ZNF267: variants seen among roughly 807,000 people sequenced by gnomAD.
The protein encoded by ZNF267 is zinc finger protein 267.
ZNF267 carries 61 observed loss-of-function variants against 71.6 expected under a neutral mutation model. The ratio of observed to expected loss-of-function variants is 0.85; its 90% confidence interval spans 0.69 to 1.05. The LOEUF (loss-of-function observed/expected upper bound fraction) is 1.05, where lower values mean the gene tolerates loss of function less well. ZNF267 is among the 50% of genes least tolerant of loss of function. ZNF267 has a pLI of 0.00. For synonymous variants in ZNF267, 288 were observed against 293.2 expected, an observed-to-expected ratio of 0.98 and a Z score of 0.18; for missense variants, 852 against 870.0, an observed-to-expected ratio of 0.98 and a Z score of 0.26.
chr16:31,898,349 G>A (rs777731175), intron 3 of ZNF267, among the ~76,000 whole-genome samples: 2 of 152,052 alleles, frequency 1.3e-5, no homozygotes, highest in Non-Finnish European at 2.9e-5. Flanking sequence ...TGTATCTAAA[G>A]TGGGTCTTTT....
chr16:31,882,525 A>G lies in ZNF267; in HGVS notation c.4-1973A>G, dbSNP rs537505701. On this transcript the variant is annotated intron_variant, in intron 1 of 3. Coordinates refer to ENST00000300870, the MANE Select transcript of ZNF267 (RefSeq NM_003414.6). ...AAACTTTCCAAACCTGCAGAATCACATTACTTAGAGGGGGCCCAGAATACC... is the reference window on the plus strand; with the variant it reads ...AAACTTTCCAAACCTGCAGAATCACGTTACTTAGAGGGGGCCCAGAATACC... 2.0e-5 allele frequency among the ~76,000 whole-genome samples: 3 copies of G among 152,318 alleles called. No homozygotes were observed. In the East Asian group the frequency reaches 5.8e-4, roughly 29 times the overall value.
At chr16:31,903,232 A>G (rs1166550115) in intron 3 of ZNF267, among the ~76,000 whole-genome samples, 1 of 152,154 alleles carries the variant, frequency 6.6e-6, no homozygotes, top group Non-Finnish European at 1.5e-5. Flanking sequence ...CATCAAGGAT[A>G]TTGGTCTAAA....
intron 3 of ZNF267, among the ~76,000 whole-genome samples, chr16:31,910,613 GTT>G (rs1437669295): frequency 2.0e-5 from 3 of 150,982 alleles, no homozygotes; most frequent in Non-Finnish European, 4.4e-5. Flanking sequence ...TTCATCTCTG[GTT>G]TTATGTGGGT....
chr16:31,889,120 A>G (rs913715260), intron 3 of ZNF267, among the ~76,000 whole-genome samples: 2 of 147,292 alleles, frequency 1.4e-5, no homozygotes, highest in African/African-American at 5.0e-5. Context: ...CTGTGATATC[A>G]GCTGGAATGA....
intron 1 of ZNF267, among the ~76,000 whole-genome samples, chr16:31,879,279 A>C (rs980528681): frequency 3.3e-5 from 5 of 152,372 alleles, no homozygotes; most frequent in Admixed American, 1.3e-4. Flanking sequence ...ATTTAGGATG[A>C]ACTCTCTCTG....
Position 31,873,894 on chromosome 16 carries a change from C to G in ZNF267, c.-73C>G, listed in dbSNP as rs1009283634. On this transcript the variant is annotated 5_prime_UTR_variant, in exon 1 of 4. Transcript: ENST00000300870. ...TTCGCGTTCTGAGAATAAACAGAAC[C>G]TCTGTTGCTCTGCGACTTGCAGGCA... 4 of 1,605,098 alleles carry G rather than the reference C, an allele frequency of 2.5e-6. No individual in the cohort carries two copies. The highest frequency in any genetic ancestry group is 2.2e-5 in the East Asian group (1 of 44,796).
intron 3 of ZNF267, among the ~76,000 whole-genome samples, chr16:31,891,097 G>GT (rs2083957178): frequency 6.6e-6 from 1 of 151,528 alleles, no homozygotes; most frequent in South Asian, 2.1e-4. Context: ...TTCCATTTGT[G>GT]TATCTACTAC....
chr16:31,883,194 A>G (rs1313320659), intron 1 of ZNF267, among the ~76,000 whole-genome samples: 2 of 152,190 alleles, frequency 1.3e-5, no homozygotes, highest in Non-Finnish European at 2.9e-5. Context: ...ATAATAGCAC[A>G]TAGAATAAAC....
In ZNF267 at chr16:31,873,985, C is replaced by CG. The variant is rs770029610; in HGVS notation, c.3+21dup. ...CTGGGAAATGGTGAGTGTGCGGGGT[C>CG]GGGGGTCCCCAGAGGGAGGGAGGGC... On this transcript the variant is annotated intron_variant, in intron 1 of 3. Transcript: ENST00000300870. 1 of 1,610,358 alleles carries CG rather than the reference C, an allele frequency of 6.2e-7. No homozygotes were observed. The highest frequency in any genetic ancestry group is 8.5e-7 in the Non-Finnish European group (1 of 1,177,460).
intron 3 of ZNF267, among the ~76,000 whole-genome samples, chr16:31,903,101 G>A (rs77410910): frequency 0.86 from 131,587 of 152,154 alleles, 58,953 homozygotes; most frequent in East Asian, 1. Flanking sequence ...CTTGAATTTC[G>A]TATTTTGAAC....
At chr16:31,895,813 T>G (rs1004206499) in intron 3 of ZNF267, among the ~76,000 whole-genome samples, 12 of 152,248 alleles carry the variant, frequency 7.9e-5, no homozygotes, top group African/African-American at 2.9e-4. Context: ...ATTTTAAAAT[T>G]CGGTTATATG....
chr16:31,898,223 G>A (rs2084013995), intron 3 of ZNF267, among the ~76,000 whole-genome samples: 1 of 152,002 alleles, frequency 6.6e-6, no homozygotes, highest in Admixed American at 6.6e-5. Context: ...ATTATATAAT[G>A]CCCTTTCTTG....
chr16:31,900,873 A>G (rs1385647552), intron 3 of ZNF267, among the ~76,000 whole-genome samples: 5 of 150,726 alleles, frequency 3.3e-5, no homozygotes, highest in African/African-American at 7.3e-5. Context: ...ATTTGTATAC[A>G]TGTGCCATGT....
intron 3 of ZNF267, among the ~76,000 whole-genome samples, chr16:31,906,112 C>T (rs995370593): frequency 3.3e-5 from 5 of 152,160 alleles, no homozygotes; most frequent in African/African-American, 4.8e-5. Context: ...ATTGGTGAAC[C>T]GCAAATGCTG....
At chr16:31,875,615 G>A (rs1340256612) in intron 1 of ZNF267, among the ~76,000 whole-genome samples, 7 of 152,184 alleles carry the variant, frequency 4.6e-5, no homozygotes, top group Admixed American at 4.6e-4. Context: ...TGTCCATGGG[G>A]CACAGTGCAG....
In ZNF267 at chr16:31,873,864, G is replaced by A; in HGVS notation, c.-103G>A. ...GAGTCTTTCGTTCTGGGAGGCCCAG[G>A]CGGCTTCGCGTTCTGAGAATAAACA... is the stretch of plus-strand genomic sequence containing the variant. On this transcript the variant is annotated 5_prime_UTR_variant, in exon 1 of 4. Transcript: ENST00000300870. 1 of 1,525,500 alleles carries A rather than the reference G, an allele frequency of 6.6e-7. No homozygotes were observed. The highest frequency in any genetic ancestry group is 9.1e-7 in the Non-Finnish European group (1 of 1,100,910). The allele number at this position is 1,525,500 out of a possible 1,614,324, so 94.5% of individuals were successfully genotyped here. A position where few individuals can be genotyped will look rare whatever the true frequency, so the allele number is the denominator to read the frequency against.
In ZNF267 at chr16:31,914,952, C is replaced by G; in HGVS notation, c.703C>G (p.Gln235Glu). The change falls in exon 4 of 4, where the codon CAG (glutamine) becomes GAG (glutamate). Residue 235 changes from glutamine to glutamate, a missense_variant. By Grantham distance (29) the Gln-to-Glu change is conservative (BLOSUM62 2). Transcript: ENST00000300870. ...CCAAAGCTCAAGCCCTAAAAATCAT[C>G]AGGAAAATTATTTTCTAGAAAAACA... ...LNQSSSPKNH[Q>E]ENYFLEKQYK... 1 of 1,609,274 alleles carries G rather than the reference C, an allele frequency of 6.2e-7. No homozygotes were observed. Among genetic ancestry groups the G allele is most frequent in the Non-Finnish European group, 8.5e-7 (1 of 1,178,640 alleles).
intron 3 of ZNF267, among the ~76,000 whole-genome samples, chr16:31,903,807 G>A (rs781090195): frequency 6.3e-4 from 96 of 152,176 alleles, no homozygotes; most frequent in Non-Finnish European, 8.2e-4. Flanking sequence ...TCTGATCTTA[G>A]TTATTTCTTG....
chr16:31,873,810 T>G lies in ZNF267; in HGVS notation c.-157T>G, dbSNP rs2083830337. On this transcript the variant is annotated 5_prime_UTR_variant, in exon 1 of 4. Coordinates refer to ENST00000300870, the MANE Select transcript of ZNF267 (RefSeq NM_003414.6). ...GGCGGGGGCCTTCGTCGGCTCCAGTTAGAGCTCGGGTCTCCTCGCCACAGC... is the reference window on the plus strand; with the variant it reads ...GGCGGGGGCCTTCGTCGGCTCCAGTGAGAGCTCGGGTCTCCTCGCCACAGC... 1 of 1,003,604 alleles carries G rather than the reference T, an allele frequency of 1.0e-6. No homozygotes were observed. The highest frequency in any genetic ancestry group is 1.5e-6 in the Non-Finnish European group (1 of 649,144). 62.2% of individuals were successfully genotyped at this position (1,003,604 alleles called of 1,614,324 possible).
Sources: gnomAD v4.1 joint callset for allele counts (sites outside exome capture counted in the v4.1 genomes callset) on GRCh38, gnomAD v4.1.1 for gene constraint, MANE v1.5 for transcripts, NCBI Gene and HGNC (gene_info 2026-07-23, HGNC 2026-07-21) for gene names.